NKAIN3: variants seen among roughly 807,000 people sequenced by gnomAD.
The protein encoded by NKAIN3 is sodium/potassium transporting ATPase interacting 3.
NKAIN3 carries 25 observed loss-of-function variants against 30.2 expected under a neutral mutation model. That is an observed-to-expected ratio of 0.83 (90% CI 0.60 to 1.16). The LOEUF (loss-of-function observed/expected upper bound fraction) is 1.16. NKAIN3 is among the 50% of genes most tolerant of loss of function. NKAIN3 has a pLI of 0.00. For missense variants in NKAIN3, 225 were observed against 254.1 expected (o/e 0.89, Z 0.78); for synonymous variants, 91 against 89.6 (o/e 1.02, Z -0.09).
rs542784537 is a variant in NKAIN3, at chr8:62,339,162, T to G, written c.54+90035T>G. Reference sequence around the variant, plus strand: ...CAGAAGCTCTGGGGTCAGGATGAGGTTGCTTTGTTTGGGCAACTGAAACCC... The same window carrying G: ...CAGAAGCTCTGGGGTCAGGATGAGGGTGCTTTGTTTGGGCAACTGAAACCC... On this transcript the variant is annotated intron_variant, in intron 1 of 6. Transcript: ENST00000623646. Among the ~76,000 whole-genome samples, 191 of 152,018 alleles carry G rather than the reference T, an allele frequency of 1.3e-3. 1 individual carries two copies. Among genetic ancestry groups the G allele is most frequent in the Middle Eastern group, 3.4e-3 (1 of 294 alleles).
chr8:62,684,778 T>C (rs1238165657), intron 3 of NKAIN3, among the ~76,000 whole-genome samples: 1 of 152,086 alleles, frequency 6.6e-6, no homozygotes, highest in South Asian at 2.1e-4. Flanking sequence ...TCCACCATGA[T>C]TGATGCCCTT....
At chr8:62,769,451 CTA>C (rs1384564453) in intron 4 of NKAIN3, among the ~76,000 whole-genome samples, 3 of 152,162 alleles carry the variant, frequency 2.0e-5, no homozygotes, top group Admixed American at 6.5e-5. Context: ...GGAGTTCTGT[CTA>C]TATGATGCCC....
chr8:62,368,609 C>T lies in NKAIN3; in HGVS notation c.54+119482C>T, dbSNP rs139573486. On this transcript the variant is annotated intron_variant, in intron 1 of 6. Coordinates refer to ENST00000623646, the MANE Select transcript of NKAIN3 (RefSeq NM_001304533.3). The stretch of plus-strand genomic sequence containing the variant: ...CTTCTCCGGAACAAATGCCTGATAA[C>T]AAGAACTATCATAAAAGATTCTGCA... Among the ~76,000 whole-genome samples the T allele has an allele frequency of 2.0e-4, 30 of 152,162 alleles. No homozygotes were observed. The East Asian group carries it at 5.4e-3, about 27-fold the overall frequency.
intron 4 of NKAIN3, among the ~76,000 whole-genome samples, chr8:62,753,207 T>G (rs2130599304): frequency 1.6e-5 from 1 of 60,976 alleles, no homozygotes; most frequent in South Asian, 6.0e-4. Context: ...TTAAAGAGGA[T>G]GCACACACAC....
At chr8:62,905,203 G>A (rs1315710158) in intron 4 of NKAIN3, among the ~76,000 whole-genome samples, 1 of 152,188 alleles carries the variant, frequency 6.6e-6, no homozygotes, top group African/African-American at 2.4e-5. Context: ...TGTGAGAACA[G>A]GGTGAGGGGG....
At chr8:62,862,850 G>A (rs937698339) in intron 4 of NKAIN3, among the ~76,000 whole-genome samples, 1 of 152,050 alleles carries the variant, frequency 6.6e-6, no homozygotes, top group South Asian at 2.1e-4. Flanking sequence ...TAGGAAAAAC[G>A]GCATTAGCTT....
chr8:62,531,149 A>T (rs896383180), intron 1 of NKAIN3, among the ~76,000 whole-genome samples: 3 of 151,886 alleles, frequency 2.0e-5, no homozygotes, highest in Admixed American at 6.6e-5. Flanking sequence ...AAGCTTAAAA[A>T]CCATGTGTGC....
chr8:62,690,346 C>T (rs926936330), intron 3 of NKAIN3, among the ~76,000 whole-genome samples: 2 of 152,180 alleles, frequency 1.3e-5, no homozygotes, highest in Non-Finnish European at 2.9e-5. Flanking sequence ...AGCTACCATG[C>T]CAGGGCCAGA....
intron 4 of NKAIN3, chr8:62,856,567 TGG>T (rs1285732339): frequency 2.6e-6 from 2 of 783,876 alleles, no homozygotes; most frequent in Non-Finnish European, 4.7e-6. Flanking sequence ...GTCATTGCCA[TGG>T]GGTTGTCTTC....
Position 62,345,422 on chromosome 8 carries a change from T to C in NKAIN3, c.54+96295T>C, listed in dbSNP as rs1359983740. On this transcript the variant is annotated intron_variant, in intron 1 of 6. Coordinates refer to ENST00000623646, the MANE Select transcript of NKAIN3 (RefSeq NM_001304533.3). ...ATACACATATATGTATATATACACA[T>C]ATATACACATATATGTATATATACA... 1.3e-3 allele frequency among the ~76,000 whole-genome samples: 169 copies of C among 130,298 alleles called. 1 individual carries two copies. The highest frequency in any genetic ancestry group is 1.7e-3 in the Non-Finnish European group (105 of 62,756). 85.5% of individuals were successfully genotyped at this position (130,298 alleles called of 152,430 possible). A position where few individuals can be genotyped will look rare whatever the true frequency, so the allele number is the denominator to read the frequency against.
intron 1 of NKAIN3, among the ~76,000 whole-genome samples, chr8:62,401,828 G>A (rs1218962170): frequency 6.6e-6 from 1 of 152,152 alleles, no homozygotes; most frequent in Non-Finnish European, 1.5e-5. Context: ...GCTGGGAAAG[G>A]CGGTGACACC....
At chr8:62,803,091 T>C (rs959247836) in intron 4 of NKAIN3, among the ~76,000 whole-genome samples, 1 of 152,086 alleles carries the variant, frequency 6.6e-6, no homozygotes, top group Non-Finnish European at 1.5e-5. Flanking sequence ...GCACCCAATA[T>C]GAGAGCACCC....
At position 62,995,633 on chromosome 8, in the gene NKAIN3, G is replaced by A. The variant is rs139438021; in HGVS notation, c.533-3598G>A. On this transcript the variant is annotated intron_variant, in intron 5 of 5. Coordinates refer to the NKAIN3 transcript ENST00000519049. ...AAATGGTAAACACAAGGGGGAAGAA[G>A]GAAAGGTAGGTTGGGAGTTTAGAGA... Among the ~76,000 whole-genome samples the A allele has an allele frequency of 4.5e-3, 684 of 152,174 alleles. 3 individuals are homozygous for A. The highest frequency in any genetic ancestry group is 0.016 in the African/African-American group (647 of 41,518).
rs1824123621 is a variant in NKAIN3, at chr8:62,983,222, A to G, written c.*17815A>G. The G allele has an allele frequency of 6.6e-6, 1 of 152,080 alleles. No individual in the cohort carries two copies. The highest frequency in any genetic ancestry group is 2.4e-5 in the African/African-American group (1 of 41,406). The allele number at this position is 152,080 out of a possible 1,614,324, so 9.4% of individuals were successfully genotyped here. ...ACCTACTGTATGTGAGTCACTGTGCAGGCACTAGAAATATAAAGCAAAAAA... is the reference window on the plus strand; with the variant it reads ...ACCTACTGTATGTGAGTCACTGTGCGGGCACTAGAAATATAAAGCAAAAAA... On this transcript the variant is annotated 3_prime_UTR_variant, in exon 7 of 7. Transcript: ENST00000623646.
At chr8:62,873,993 A>G (rs1241534190) in intron 4 of NKAIN3, among the ~76,000 whole-genome samples, 1 of 152,092 alleles carries the variant, frequency 6.6e-6, no homozygotes. Flanking sequence ...TCAGAGAAGA[A>G]TTGAAGGAGA....
intron 4 of NKAIN3, among the ~76,000 whole-genome samples, chr8:62,903,684 C>T (rs966536617): frequency 3.3e-5 from 5 of 152,138 alleles, no homozygotes; most frequent in South Asian, 4.1e-4. Context: ...TCTGTTCTCA[C>T]GCTGCTATGA....
intron 5 of NKAIN3, among the ~76,000 whole-genome samples, chr8:62,945,413 T>C (rs1233184132): frequency 3.3e-5 from 5 of 152,210 alleles, no homozygotes; most frequent in Non-Finnish European, 7.3e-5. Flanking sequence ...TATTAGTAGC[T>C]ATTACTTTAT....
intron 5 of NKAIN3, among the ~76,000 whole-genome samples, chr8:62,939,891 G>C (rs1213558596): frequency 2.0e-5 from 3 of 151,884 alleles, no homozygotes; most frequent in African/African-American, 7.3e-5. Context: ...ATGATGAATA[G>C]AATAGTACCT....
intron 4 of NKAIN3, among the ~76,000 whole-genome samples, chr8:62,883,898 T>C (rs1490150336): frequency 6.6e-6 from 1 of 152,166 alleles, no homozygotes; most frequent in Non-Finnish European, 1.5e-5. Flanking sequence ...TCACTTCTAG[T>C]TTGCTGAAAG....
Sources: allele counts gnomAD v4.1 joint callset (sites outside exome capture counted in the v4.1 genomes callset), GRCh38; gene constraint gnomAD v4.1.1; transcripts MANE v1.5; gene names NCBI Gene and HGNC (gene_info 2026-07-23, HGNC 2026-07-21).